Variants in TOX observed in about 807,000 individuals in gnomAD.
TOX encodes the protein thymocyte selection associated high mobility group box.
In TOX, 11 loss-of-function variants were observed where a neutral mutation model predicts 53.7. That is an observed-to-expected ratio of 0.20 (90% CI 0.13 to 0.34). The LOEUF (loss-of-function observed/expected upper bound fraction) is 0.34. TOX is among the 10% of genes least tolerant of loss of function. The pLI, the probability that TOX is intolerant of heterozygous loss-of-function variation, is 1.00. For synonymous variants in TOX, 225 were observed against 245.3 expected (o/e 0.92, Z 0.77); for missense variants, 570 against 664.6 (o/e 0.86, Z 1.56).
chr8:58,929,132 G>A (rs1812216185), intron 3 of TOX, among the ~76,000 whole-genome samples: 4 of 151,884 alleles, frequency 2.6e-5, no homozygotes, highest in Admixed American at 2.0e-4. Context: ...TTTCTCTGGG[G>A]AATTTGTATA....
intron 3 of TOX, among the ~76,000 whole-genome samples, chr8:58,855,276 C>G (rs111277244): frequency 6.6e-6 from 1 of 152,120 alleles, no homozygotes; most frequent in Non-Finnish European, 1.5e-5. Flanking sequence ...CTAAAATGTA[C>G]AATTCTGACC....
At chr8:58,892,403 T>A (rs1811573570) in intron 3 of TOX, among the ~76,000 whole-genome samples, 1 of 152,106 alleles carries the variant, frequency 6.6e-6, no homozygotes. Flanking sequence ...GTCAGTTGAG[T>A]TTTTCCAGTG....
intron 1 of TOX, among the ~76,000 whole-genome samples, chr8:59,001,890 T>C (rs931594817): frequency 6.6e-6 from 1 of 151,934 alleles, no homozygotes; most frequent in African/African-American, 2.4e-5. Flanking sequence ...ATAACTGGGC[T>C]GTGACATCTT....
intron 1 of TOX, among the ~76,000 whole-genome samples, chr8:59,019,357 T>G (rs1272662514): frequency 6.6e-6 from 1 of 152,144 alleles, no homozygotes; most frequent in East Asian, 1.9e-4. Context: ...AATAACTAAG[T>G]GGAACCAAAA....
At chr8:58,960,586 T>C (rs1812782485) in intron 1 of TOX, among the ~76,000 whole-genome samples, 1 of 152,064 alleles carries the variant, frequency 6.6e-6, no homozygotes. Flanking sequence ...ATAATAACAA[T>C]AAAAATACAC....
Position 59,119,059 on chromosome 8 carries a change from G to A in TOX, c.-72C>T. On this transcript the variant is annotated 5_prime_UTR_variant, in exon 1 of 9. Coordinates refer to ENST00000361421, the MANE Select transcript of TOX (RefSeq NM_014729.3). ...AAAAGTGTTCAGCAAAACAAGCTTAGACGGAACAGAGTGAGGTGTCTGGGC... is the reference window on the plus strand; with the variant it reads ...AAAAGTGTTCAGCAAAACAAGCTTAAACGGAACAGAGTGAGGTGTCTGGGC... The A allele has an allele frequency of 9.5e-7, 1 of 1,049,370 alleles. No homozygotes were observed. Among genetic ancestry groups the A allele is most frequent in the South Asian group, 1.4e-5 (1 of 73,786 alleles). The allele number at this position is 1,049,370 out of a possible 1,614,324, so 65.0% of individuals were successfully genotyped here. A position where few individuals can be genotyped will look rare whatever the true frequency, so the allele number is the denominator to read the frequency against.
intron 6 of TOX, among the ~76,000 whole-genome samples, chr8:58,820,763 A>G (rs889288421): frequency 6.6e-6 from 1 of 152,162 alleles, no homozygotes; most frequent in African/African-American, 2.4e-5. Flanking sequence ...AGTTTCAAAA[A>G]TTTTTTGAAC....
intron 6 of TOX, among the ~76,000 whole-genome samples, chr8:58,818,244 G>A (rs535991377): frequency 6.6e-6 from 1 of 152,282 alleles, no homozygotes; most frequent in Admixed American, 6.5e-5. Flanking sequence ...TGAAAGAGTA[G>A]TAACTTTTAA....
At chr8:59,005,377 T>C (rs1353051827) in intron 1 of TOX, among the ~76,000 whole-genome samples, 1 of 152,162 alleles carries the variant, frequency 6.6e-6, no homozygotes, top group East Asian at 1.9e-4. Flanking sequence ...TGAAAATGAT[T>C]ACAAGTATTA....
At chr8:58,884,648 T>C (rs1811437331) in intron 3 of TOX, among the ~76,000 whole-genome samples, 1 of 152,138 alleles carries the variant, frequency 6.6e-6, no homozygotes. Context: ...ACAACTATGG[T>C]TGTCTCTTGC....
intron 1 of TOX, among the ~76,000 whole-genome samples, chr8:59,096,807 T>A (rs530099828): frequency 1.3e-5 from 2 of 152,230 alleles, no homozygotes; most frequent in African/African-American, 4.8e-5. Context: ...TCCCATCATC[T>A]CTTTCTGTGA....
At chr8:58,994,313 C>A (rs1027190147) in intron 1 of TOX, among the ~76,000 whole-genome samples, 1 of 151,932 alleles carries the variant, frequency 6.6e-6, no homozygotes. Context: ...ATGACTAGAA[C>A]ACACACGTAT....
At chr8:58,831,004 T>A in intron 5 of TOX, among the ~76,000 whole-genome samples, 1 of 152,212 alleles carries the variant, frequency 6.6e-6, no homozygotes, top group South Asian at 2.1e-4. Context: ...TCCATTTAAC[T>A]TAATGGTTAA....
At chr8:58,911,063 GAGA>G (rs764905457) in intron 3 of TOX, among the ~76,000 whole-genome samples, 1 of 151,206 alleles carries the variant, frequency 6.6e-6, no homozygotes, top group Non-Finnish European at 1.5e-5. Context: ...TTTTCCTTCG[GAGA>G]AGCTTTCCTT....
chr8:58,883,213 G>T (rs895414638), intron 3 of TOX, among the ~76,000 whole-genome samples: 2 of 152,132 alleles, frequency 1.3e-5, no homozygotes, highest in Non-Finnish European at 2.9e-5. Flanking sequence ...CTCAACACAT[G>T]ACTCTCCATT....
chr8:58,940,195 TTCC>T (rs1266304405), intron 2 of TOX, among the ~76,000 whole-genome samples: 1 of 152,236 alleles, frequency 6.6e-6, no homozygotes, highest in African/African-American at 2.4e-5. Context: ...TTTACTTGAT[TTCC>T]TCCTAAGAGC....
chr8:58,953,511 T>A (rs1468875696), intron 2 of TOX, among the ~76,000 whole-genome samples: 1 of 152,164 alleles, frequency 6.6e-6, no homozygotes, highest in Non-Finnish European at 1.5e-5. Context: ...TTTCCAGGCA[T>A]CCTTTCATTT....
intron 1 of TOX, among the ~76,000 whole-genome samples, chr8:59,075,818 G>C (rs1268033126): frequency 6.6e-6 from 1 of 151,784 alleles, no homozygotes; most frequent in East Asian, 1.9e-4. Context: ...AAAAGGTCAG[G>C]AACATGAAGA....
chr8:59,009,113 CCTA>C (rs1204821262), intron 1 of TOX, among the ~76,000 whole-genome samples: 4 of 151,412 alleles, frequency 2.6e-5, no homozygotes, highest in East Asian at 1.9e-4. Flanking sequence ...CTTTCTCCAT[CCTA>C]CTTTCTTCTC....
Sources: gnomAD v4.1 joint callset for allele counts (sites outside exome capture counted in the v4.1 genomes callset) on GRCh38, gnomAD v4.1.1 for gene constraint, MANE v1.5 for transcripts, NCBI Gene and HGNC (gene_info 2026-07-23, HGNC 2026-07-21) for gene names.